The following NARS2 variants were observed in gnomAD, a reference collection of about 807,000 sequenced individuals.
NARS2 encodes the protein asparaginyl-tRNA synthetase 2, mitochondrial.
In NARS2, 60 loss-of-function variants were observed where a neutral mutation model predicts 62.9. The ratio of observed to expected loss-of-function variants is 0.95; its 90% CI spans 0.77 to 1.18. The LOEUF (loss-of-function observed/expected upper bound fraction) is 1.18, where lower values mean the gene tolerates loss of function less well. NARS2 is among the 50% of genes most tolerant of loss of function. The probability of loss-of-function intolerance (pLI) is 0.00; values close to 1 mark genes in which losing one functional copy is unlikely to be tolerated. For synonymous variants in NARS2, 196 were observed against 200.0 expected (o/e 0.98, Z 0.17); for missense variants, 619 against 576.4 (o/e 1.07, Z -0.76).
At chr11:78,565,342 C>CA (rs1856708257) in intron 4 of NARS2, among the ~76,000 whole-genome samples, 1 of 152,100 alleles carries the variant, frequency 6.6e-6, no homozygotes, top group Non-Finnish European at 1.5e-5. Context: ...AAAACAACAA[C>CA]AAAAACAGTA....
intron 1 of NARS2, 39 bp from the exon 2 acceptor site, chr11:78,571,483 T>C: frequency 6.9e-7 from 1 of 1,450,432 alleles, no homozygotes; most frequent in Non-Finnish European, 9.7e-7. Flanking sequence ...GCGTAAAACA[T>C]TTTACGTTTT....
At chr11:78,459,288 G>A (rs1858297973) in intron 11 of NARS2, among the ~76,000 whole-genome samples, 1 of 144,688 alleles carries the variant, frequency 6.9e-6, no homozygotes, top group Non-Finnish European at 1.5e-5. Context: ...TTTTTAAATT[G>A]AGACAGAGTT....
chr11:78,484,384 A>G (rs541738143), intron 7 of NARS2, among the ~76,000 whole-genome samples: 2 of 152,310 alleles, frequency 1.3e-5, no homozygotes, highest in South Asian at 4.1e-4. Flanking sequence ...GCCAAAATTG[A>G]CAAATGGAAT....
chr11:78,510,973 T>C (rs534388321), intron 6 of NARS2, among the ~76,000 whole-genome samples: 3 of 152,274 alleles, frequency 2.0e-5, no homozygotes, highest in Non-Finnish European at 4.4e-5. Context: ...ATGGGGACAA[T>C]AGATCGGTGG....
intron 11 of NARS2, 85 bp from the exon 12 acceptor site, chr11:78,443,843 T>C: frequency 1.1e-6 from 1 of 944,866 alleles, no homozygotes; most frequent in Non-Finnish European, 1.6e-6. Context: ...CTTTAACATT[T>C]TGGCAATGGC....
chr11:78,559,720 G>A (rs934307246), intron 4 of NARS2, 101 bp from the exon 5 acceptor site: 2 of 757,924 alleles, frequency 2.6e-6, no homozygotes, highest in Non-Finnish European at 4.5e-6. Flanking sequence ...AGCAGATGCT[G>A]TATCAAATCC....
At chr11:78,494,628 A>G (rs1393745052) in intron 6 of NARS2, among the ~76,000 whole-genome samples, 2 of 152,100 alleles carry the variant, frequency 1.3e-5, no homozygotes, top group African/African-American at 4.8e-5. Context: ...CTACCTTCCT[A>G]AGACCATGAT....
intron 5 of NARS2, among the ~76,000 whole-genome samples, chr11:78,539,801 G>GT (rs961938480): frequency 9.9e-5 from 15 of 152,150 alleles, no homozygotes; most frequent in African/African-American, 3.6e-4. Flanking sequence ...AAAGTCCTGC[G>GT]TAACTAAGCC....
chr11:78,449,654 G>C (rs1565205459), intron 11 of NARS2, among the ~76,000 whole-genome samples: 3 of 152,016 alleles, frequency 2.0e-5, no homozygotes, highest in Admixed American at 6.6e-5. Flanking sequence ...TTACAACCAG[G>C]TTTCTCAATC....
intron 9 of NARS2, among the ~76,000 whole-genome samples, chr11:78,469,546 G>C (rs890651325): frequency 6.6e-6 from 1 of 152,170 alleles, no homozygotes; most frequent in African/African-American, 2.4e-5. Context: ...AGTCACTTAA[G>C]CAAGTAAAGA....
chr11:78,480,524 G>C (rs7930329), intron 7 of NARS2, among the ~76,000 whole-genome samples: 3,593 of 151,684 alleles, frequency 0.024, 138 homozygotes, highest in African/African-American at 0.075. Flanking sequence ...TAAAGTGTGG[G>C]GATTATAGGT....
chr11:78,455,524 GTCT>G (rs763284878), intron 11 of NARS2, among the ~76,000 whole-genome samples: 1 of 152,014 alleles, frequency 6.6e-6, no homozygotes, highest in African/African-American at 2.4e-5. Flanking sequence ...TCCTCCTAAG[GTCT>G]TCTTTTAGTT....
intron 7 of NARS2, among the ~76,000 whole-genome samples, chr11:78,483,942 A>C (rs1859463925): frequency 6.6e-6 from 1 of 152,216 alleles, no homozygotes; most frequent in Non-Finnish European, 1.5e-5. Context: ...GATAATCCTA[A>C]GCAAAAAGAA....
At chr11:78,471,405 C>T (rs1234764640) in intron 9 of NARS2, among the ~76,000 whole-genome samples, 2 of 152,138 alleles carry the variant, frequency 1.3e-5, no homozygotes, top group Non-Finnish European at 2.9e-5. Context: ...GATTCTACTA[C>T]TAGCTATGTA....
intron 6 of NARS2, among the ~76,000 whole-genome samples, chr11:78,505,537 C>T (rs1860461528): frequency 6.6e-6 from 1 of 151,584 alleles, no homozygotes; most frequent in South Asian, 2.1e-4. Flanking sequence ...TTCAAGCTCA[C>T]AGGTTATAGC....
At chr11:78,546,433 G>C (rs189191762) in intron 5 of NARS2, 2 of 152,198 alleles carry the variant, frequency 1.3e-5, no homozygotes, top group Non-Finnish European at 2.9e-5. Flanking sequence ...ATGTGGGACT[G>C]GGAAGCATAG....
chr11:78,536,712 T>C (rs1283395118), intron 5 of NARS2, among the ~76,000 whole-genome samples: 1 of 152,132 alleles, frequency 6.6e-6, no homozygotes, highest in East Asian at 1.9e-4. Flanking sequence ...GTATTAATAA[T>C]TAATCTATTA....
intron 6 of NARS2, among the ~76,000 whole-genome samples, chr11:78,518,274 T>C (rs1427025044): frequency 6.6e-6 from 1 of 152,080 alleles, no homozygotes. Flanking sequence ...CATCTGCAAG[T>C]TTTGGTATCT....
In NARS2 at chr11:78,564,557, A is replaced by G. The variant is rs73508846; in HGVS notation, c.513+1575T>C. On this transcript the variant is annotated intron_variant, in intron 4 of 13. Coordinates refer to ENST00000281038, the MANE Select transcript of NARS2 (RefSeq NM_024678.6). ...CTTTTTAATTGTTTACATATCTCTAAAAGTTTCAAGTAATCAATGTATAGT... is the reference window on the plus strand; with the variant it reads ...CTTTTTAATTGTTTACATATCTCTAGAAGTTTCAAGTAATCAATGTATAGT... Among the ~76,000 whole-genome samples the G allele has an allele frequency of 2.9e-3, 440 of 152,218 alleles. 3 individuals carry two copies. The highest frequency in any genetic ancestry group is 0.01 in the African/African-American group (421 of 41,512).
Sources: gnomAD v4.1 joint callset for allele counts (sites outside exome capture counted in the v4.1 genomes callset) on GRCh38, gnomAD v4.1.1 for gene constraint, MANE v1.5 for transcripts, NCBI Gene and HGNC (gene_info 2026-07-23, HGNC 2026-07-21) for gene names.